The following TEX9 variants were observed in gnomAD, a reference collection of about 807,000 sequenced individuals.
The protein encoded by TEX9 is testis-expressed protein 9.
TEX9 carries 74 observed loss-of-function variants against 59.6 expected under a neutral mutation model. That is an observed-to-expected ratio of 1.24 (90% CI 1.03 to 1.51). The LOEUF (loss-of-function observed/expected upper bound fraction) is 1.51, where lower values mean the gene tolerates loss of function less well. Among genes scored for constraint, TEX9 ranks in the 40% most tolerant of loss-of-function variants. The pLI is 0.00. For synonymous variants in TEX9, 186 were observed against 152.2 expected (o/e 1.22, Z -1.64); for missense variants, 522 against 447.8 (o/e 1.17, Z -1.49).
chr15:56,271,368 G>A (rs2044526714), intron 1 of TEX9, among the ~76,000 whole-genome samples: 1 of 151,832 alleles, frequency 6.6e-6, no homozygotes, highest in South Asian at 2.1e-4. Context: ...TTCTCTTCTC[G>A]CTTCATTTCA....
chr15:56,399,640 A>G (rs2048670315), intron 9 of TEX9, among the ~76,000 whole-genome samples: 1 of 152,206 alleles, frequency 6.6e-6, no homozygotes, highest in African/African-American at 2.4e-5. Flanking sequence ...AGCTCTGAGA[A>G]TGGACAGACT....
chr15:56,459,742 G>A, the TEX9 span, among the ~76,000 whole-genome samples: 4 of 151,722 alleles, frequency 2.6e-5, no homozygotes, highest in African/African-American at 7.3e-5. Context: ...CACTTTGGGA[G>A]CACTTTGGGA....
chr15:56,365,388 G>T (rs996933943), upstream of TEX9: 4 of 1,579,392 alleles, frequency 2.5e-6, no homozygotes, highest in Admixed American at 5.3e-5. Flanking sequence ...AGGCAACCGG[G>T]ATGTGGAAAC....
downstream of TEX9, among the ~76,000 whole-genome samples, chr15:56,450,441 G>A (rs1449742493): frequency 6.6e-6 from 1 of 151,790 alleles, no homozygotes; most frequent in African/African-American, 2.4e-5. Context: ...CCTAACCCCT[G>A]GAATTCCTAA....
intron 1 of TEX9, among the ~76,000 whole-genome samples, chr15:56,306,740 T>G (rs2045494446): frequency 6.6e-6 from 1 of 152,190 alleles, no homozygotes; most frequent in African/African-American, 2.4e-5. Context: ...TAAAAATAAC[T>G]GAAAGACTAT....
chr15:56,280,551 G>T (rs1188136927), intron 1 of TEX9, among the ~76,000 whole-genome samples: 1 of 152,148 alleles, frequency 6.6e-6, no homozygotes, highest in East Asian at 1.9e-4. Context: ...TATAAATGTG[G>T]TTGCTACAAA....
chr15:56,429,274 T>G, intron 12 of TEX9: 1 of 842,202 alleles, frequency 1.2e-6, no homozygotes, highest in Non-Finnish European at 1.9e-6. Context: ...AGACATAAGA[T>G]TAGTAAAGTT....
intron 1 of TEX9, among the ~76,000 whole-genome samples, chr15:56,297,548 A>G (rs1457075853): frequency 1.3e-5 from 2 of 152,322 alleles, no homozygotes; most frequent in Non-Finnish European, 1.5e-5. Context: ...TCTGTTGCCC[A>G]GGCTGGAGTG....
At position 56,397,580 on chromosome 15, in the gene TEX9, G is replaced by A. The variant is rs535089214; in HGVS notation, c.828+2746G>A. On this transcript the variant is annotated intron_variant, in intron 9 of 12. Coordinates refer to ENST00000352903, the Ensembl canonical transcript of TEX9. ...GGCAGCGCCTCCCATCACAGGCCCA[G>A]AGACCTAGGAGGCATGATTGGTTTT... The A allele has an allele frequency of 2.0e-5, 3 of 152,360 alleles. No homozygotes were observed. In the East Asian group the frequency reaches 5.8e-4, roughly 29 times the overall value. 9.4% of individuals were successfully genotyped at this position (152,360 alleles called of 1,614,324 possible). A position where few individuals can be genotyped will look rare whatever the true frequency, so the allele number is the denominator to read the frequency against.
rs1422979258 is a variant in TEX9 at position 56,399,307 on chromosome 15, C to G, written c.828+4473C>G. ...AGCAACCGGCAGACAAGGAGATTCT[C>G]TCCCGTGCCTGGCTTGGCGGGTCAC... On this transcript the variant is annotated intron_variant, in intron 9 of 12. Coordinates refer to ENST00000352903, the Ensembl canonical transcript of TEX9. Among the ~76,000 whole-genome samples, 4 of 152,368 alleles carry G rather than the reference C, an allele frequency of 2.6e-5. No homozygotes were observed. The South Asian group carries it at 8.3e-4, about 32-fold the overall frequency.
intron 10 of TEX9, among the ~76,000 whole-genome samples, chr15:56,427,043 T>C (rs1281339006): frequency 6.6e-6 from 1 of 152,142 alleles, no homozygotes; most frequent in Non-Finnish European, 1.5e-5. Context: ...TTGAGGGCTC[T>C]GTTTTTCTAG....
At chr15:56,339,976 G>A (rs2046341359) in intron 1 of TEX9, among the ~76,000 whole-genome samples, 1 of 152,020 alleles carries the variant, frequency 6.6e-6, no homozygotes, top group Non-Finnish European at 1.5e-5. Flanking sequence ...TTTTGTTATA[G>A]CAGCTCAAAT....
intron 10 of TEX9, among the ~76,000 whole-genome samples, chr15:56,426,847 A>G (rs2050306775): frequency 6.6e-6 from 1 of 151,524 alleles, no homozygotes; most frequent in African/African-American, 2.4e-5. Flanking sequence ...CAAATTGCTA[A>G]AGAGCTTATC....
intron 1 of TEX9, among the ~76,000 whole-genome samples, chr15:56,357,167 A>C (rs1486908387): frequency 3.3e-5 from 5 of 152,138 alleles, no homozygotes; most frequent in Non-Finnish European, 7.4e-5. Context: ...ACTAGACAGA[A>C]GGCTGCCATT....
At chr15:56,271,440 T>C (rs2044529148) in intron 1 of TEX9, among the ~76,000 whole-genome samples, 1 of 152,178 alleles carries the variant, frequency 6.6e-6, no homozygotes, top group South Asian at 2.1e-4. Context: ...CTACTGAAGC[T>C]TGTGCATGCG....
intron 1 of TEX9, among the ~76,000 whole-genome samples, chr15:56,257,663 T>C (rs2044174750): frequency 6.6e-6 from 1 of 152,160 alleles, no homozygotes. Flanking sequence ...TAAGTTTGTT[T>C]AAGTTCCTTG....
At chr15:56,442,765 C>A (rs1181298748) in intron 12 of TEX9, among the ~76,000 whole-genome samples, 1 of 152,052 alleles carries the variant, frequency 6.6e-6, no homozygotes, top group Non-Finnish European at 1.5e-5. Flanking sequence ...GGGTGAGGAT[C>A]AATAAACTAC....
chr15:56,331,510 C>G (rs2046142502), intron 1 of TEX9, among the ~76,000 whole-genome samples: 1 of 152,056 alleles, frequency 6.6e-6, no homozygotes, highest in African/African-American at 2.4e-5. Context: ...ATTTTGAAAA[C>G]TATACAAACA....
intron 9 of TEX9, among the ~76,000 whole-genome samples, chr15:56,411,505 G>C (rs1408134162): frequency 6.6e-6 from 1 of 152,200 alleles, no homozygotes; most frequent in Non-Finnish European, 1.5e-5. Context: ...AGCTGAGTCA[G>C]TAGGTGCTAG....
Sources: gnomAD v4.1 joint callset for allele counts (sites outside exome capture counted in the v4.1 genomes callset) on GRCh38, gnomAD v4.1.1 for gene constraint, MANE v1.5 for transcripts, NCBI Gene and HGNC (gene_info 2026-07-23, HGNC 2026-07-21) for gene names.